PDXDC1: variants seen among roughly 807,000 people sequenced by gnomAD.
PDXDC1 encodes pyridoxal-dependent decarboxylase domain-containing protein 1.
A neutral mutation model predicts 100.1 loss-of-function variants in PDXDC1; 42 were observed. The ratio of observed to expected loss-of-function variants is 0.42; its 90% CI spans 0.33 to 0.54. PDXDC1 has a LOEUF of 0.54. Ranked by LOEUF, PDXDC1 falls within the 20% of genes least tolerant of loss-of-function variation. The probability of loss-of-function intolerance (pLI) is 0.10; values close to 1 mark genes in which losing one functional copy is unlikely to be tolerated. For synonymous variants in PDXDC1, 260 were observed against 371.7 expected (o/e 0.70, Z 3.46); for missense variants, 636 against 979.2 (o/e 0.65, Z 4.68).
chr16:15,081,703 C>A (rs1419586023), intron 16 of PDXDC1, among the ~76,000 whole-genome samples: 1 of 152,014 alleles, frequency 6.6e-6, no homozygotes, highest in East Asian at 1.9e-4. Context: ...GCATTTTTTT[C>A]TTTGGTTGCT....
At chr16:15,130,294 AGGTCTCCTCCAG>A (rs1276352169) in intron 16 of PDXDC1, 1 of 1,535,052 alleles carries the variant, frequency 6.5e-7, no homozygotes, top group Non-Finnish European at 8.8e-7. Flanking sequence ...TGGCGGGGCG[AGGTCTCCTCCAG>A]GGGCAGCAGC....
intron 13 of PDXDC1, 40 bp downstream of exon 13, chr16:15,022,794 T>C (rs768780092): frequency 2.6e-4 from 388 of 1,490,862 alleles, no homozygotes; most frequent in Non-Finnish European, 3.1e-4. Context: ...AATATAACTT[T>C]TTTTGAACCT....
At chr16:15,079,417 G>C (rs2151798538) in intron 16 of PDXDC1, among the ~76,000 whole-genome samples, 1 of 152,214 alleles carries the variant, frequency 6.6e-6, no homozygotes, top group South Asian at 2.1e-4. Flanking sequence ...ATTCTATCAG[G>C]TTCTCTAACT....
chr16:15,038,454 CAA>C, downstream of PDXDC1: 1 of 657,606 alleles, frequency 1.5e-6, no homozygotes, highest in Non-Finnish European at 2.7e-6. Context: ...CAATGGCATC[CAA>C]AAAGTTACTA....
intron 16 of PDXDC1, among the ~76,000 whole-genome samples, chr16:15,073,743 A>T (rs1272979293): frequency 6.6e-6 from 1 of 152,244 alleles, no homozygotes; most frequent in East Asian, 1.9e-4. Flanking sequence ...TGGTGAAAAC[A>T]GTAAAAGACA....
intron 16 of PDXDC1, among the ~76,000 whole-genome samples, chr16:15,058,154 C>G (rs1256392848): frequency 2.0e-5 from 3 of 152,002 alleles, no homozygotes; most frequent in Non-Finnish European, 4.4e-5. Flanking sequence ...CCAACAAATA[C>G]AAAAATTAGC....
At chr16:15,019,707 G>A (rs2042034676) in intron 12 of PDXDC1, among the ~76,000 whole-genome samples, 1 of 152,272 alleles carries the variant, frequency 6.6e-6, no homozygotes, top group Admixed American at 6.5e-5. Context: ...CTGTTTGTGA[G>A]GGTTCCATCC....
chr16:15,110,010 T>G (rs368025898), intron 16 of PDXDC1, among the ~76,000 whole-genome samples: 1 of 147,230 alleles, frequency 6.8e-6, no homozygotes. Context: ...AAAAATTAGC[T>G]GGGCGTGGTG....
At chr16:14,996,636 CTT>C (rs1567637301) in intron 1 of PDXDC1, among the ~76,000 whole-genome samples, 1 of 152,254 alleles carries the variant, frequency 6.6e-6, no homozygotes, top group Non-Finnish European at 1.5e-5. Flanking sequence ...AGAAGGATAA[CTT>C]GAGCTCAGGA....
chr16:14,988,408 G>C, intron 1 of PDXDC1: 3 of 1,614,288 alleles, frequency 1.9e-6, no homozygotes, highest in Non-Finnish European at 8.5e-7. Flanking sequence ...CCGGGGTCCT[G>C]CTGAGCCATG....
intron 13 of PDXDC1, among the ~76,000 whole-genome samples, chr16:15,023,983 G>A (rs1257775636): frequency 6.6e-6 from 1 of 152,290 alleles, no homozygotes; most frequent in Non-Finnish European, 1.5e-5. Flanking sequence ...TAAGAATCCA[G>A]GCGGTGCTGG....
intron 1 of PDXDC1, among the ~76,000 whole-genome samples, chr16:14,988,097 A>G (rs938132598): frequency 9.9e-5 from 15 of 151,936 alleles, no homozygotes; most frequent in African/African-American, 3.1e-4. Flanking sequence ...ATTCCTTCCA[A>G]TGCAAACTCT....
In PDXDC1 at chr16:15,133,871, C is replaced by A. The variant is rs1050316450; in HGVS notation, c.1400-5008C>A. ...GGAAGAGGCGGCAAGAGCCCCCCAG[C>A]GGCGGGCGGTTGGGGGACAGGGGGA... On this transcript the variant is annotated intron_variant, in intron 16 of 16. Coordinates refer to the PDXDC1 transcript ENST00000535621. The A allele has an allele frequency of 2.6e-4, 402 of 1,545,142 alleles. 1 individual carries two copies. The highest frequency in any genetic ancestry group is 3.2e-4 in the Non-Finnish European group (364 of 1,145,086).
chr16:15,117,698 G>GA (rs2047287070), intron 16 of PDXDC1, among the ~76,000 whole-genome samples: 4 of 86,956 alleles, frequency 4.6e-5, no homozygotes, highest in African/African-American at 9.1e-5. Context: ...TCTTGGGGGT[G>GA]AGAAAAGAAA....
chr16:15,041,679 A>G (rs1318154210), downstream of PDXDC1: 3 of 1,603,940 alleles, frequency 1.9e-6, 1 homozygote, highest in African/African-American at 2.7e-5. Context: ...AAATTCACCT[A>G]TGATGAGAAT....
At chr16:15,100,477 T>C (rs1407536520) in intron 16 of PDXDC1, among the ~76,000 whole-genome samples, 1 of 152,192 alleles carries the variant, frequency 6.6e-6, no homozygotes, top group African/African-American at 2.4e-5. Flanking sequence ...AGATTTGGCA[T>C]CATTGAGATT....
chr16:15,085,502 G>C, intron 16 of PDXDC1: 2 of 1,061,404 alleles, frequency 1.9e-6, no homozygotes, highest in South Asian at 1.6e-5. Flanking sequence ...TTTTTTTGCA[G>C]AGACAAGGTC....
intron 16 of PDXDC1, among the ~76,000 whole-genome samples, chr16:15,069,906 T>A (rs1215491233): frequency 6.6e-6 from 1 of 152,174 alleles, no homozygotes; most frequent in Non-Finnish European, 1.5e-5. Context: ...TTAAGGGGTT[T>A]GTAGGGGCCT....
At chr16:15,014,232 GAA>G (rs2041606719) in intron 8 of PDXDC1, among the ~76,000 whole-genome samples, 1 of 148,744 alleles carries the variant, frequency 6.7e-6, no homozygotes, top group Non-Finnish European at 1.5e-5. Flanking sequence ...AGACAAAATA[GAA>G]AAACCACATA....
Sources: allele counts gnomAD v4.1 joint callset (sites outside exome capture counted in the v4.1 genomes callset), GRCh38; gene constraint gnomAD v4.1.1; transcripts MANE v1.5; gene names NCBI Gene and HGNC (gene_info 2026-07-23, HGNC 2026-07-21).